The following ALOXE3 variants were observed in gnomAD, a reference collection of about 807,000 sequenced individuals.
ALOXE3 encodes the protein arachidonate epidermal lipoxygenase 3.
In ALOXE3, 78 loss-of-function variants were observed where a neutral mutation model predicts 87.5. The ratio of observed to expected loss-of-function variants is 0.89; its 90% CI spans 0.74 to 1.08. The LOEUF (loss-of-function observed/expected upper bound fraction) is 1.08, where lower values mean the gene tolerates loss of function less well. Among genes scored for constraint, ALOXE3 ranks in the 50% least tolerant of loss-of-function variants. The probability of loss-of-function intolerance (pLI) is 0.00; values close to 1 mark genes in which losing one functional copy is unlikely to be tolerated. For missense variants in ALOXE3, 946 were observed against 912.4 expected (o/e 1.04, Z -0.47); for synonymous variants, 363 against 370.8 (o/e 0.98, Z 0.24).
chr17:8,103,564 T>C, intron 14 of ALOXE3, 71 bp from the exon 15 acceptor site: 2 of 1,519,832 alleles, frequency 1.3e-6, no homozygotes, highest in Non-Finnish European at 9.1e-7. Flanking sequence ...TCACCATCCC[T>C]GATTCCACCT....
intron 13 of ALOXE3, among the ~76,000 whole-genome samples, chr17:8,106,014 G>A (rs1400057098): frequency 1.6e-4 from 24 of 151,644 alleles, no homozygotes; most frequent in African/African-American, 1.2e-4. Context: ...AGGCTGCAGA[G>A]GCATGCAGGG....
intron 14 of ALOXE3, 21 bp downstream of exon 14, chr17:8,104,094 G>T: frequency 6.2e-7 from 1 of 1,607,422 alleles, no homozygotes; most frequent in Non-Finnish European, 8.5e-7. Flanking sequence ...ATGTCCCCAG[G>T]CCTGCCCTTT....
At chr17:8,115,780 A>G (rs2151845976) in intron 3 of ALOXE3, 92 bp from the exon 4 acceptor site, 2 of 1,245,658 alleles carry the variant, frequency 1.6e-6, no homozygotes, top group East Asian at 2.3e-5. Context: ...CTTGAACCCA[A>G]TCCGACAGCC....
At chr17:8,097,776 CT>C (rs1978641858) in intron 15 of ALOXE3, among the ~76,000 whole-genome samples, 1 of 142,678 alleles carries the variant, frequency 7.0e-6, no homozygotes, top group African/African-American at 2.6e-5. Context: ...GAGACAGAGT[CT>C]CGCACTGTCG....
chr17:8,113,607 C>T (rs571087137), intron 6 of ALOXE3, among the ~76,000 whole-genome samples: 3 of 152,118 alleles, frequency 2.0e-5, no homozygotes, highest in East Asian at 3.9e-4. Context: ...GAGCCAAGAT[C>T]GAGCCACTGC....
rs536634686 is a variant in ALOXE3 at position 8,108,651 on chromosome 17, C to T, written c.1563-62G>A. The T allele has an allele frequency of 4.4e-6, 7 of 1,590,378 alleles. No homozygotes were observed. The African/African-American group carries it at 9.4e-5, about 21-fold the overall frequency. ...ACGGGCTCAGTCCTGGCCAGGAAAC[C>T]GAGGCCCACTGCTGCTCAGGCGGCA... On this transcript the variant is annotated intron_variant, in intron 12 of 15. Coordinates refer to ENST00000448843, the MANE Select transcript of ALOXE3 (RefSeq NM_021628.3).
rs748889351 is a variant in ALOXE3 at position 8,112,098 on chromosome 17, G to A, written c.779C>T (p.Thr260Met). The part of the protein sequence containing the change: ...QNIFWCHKTF[T>M]TKYVTEHWCE... ...TCCTGCCTGGCTCTGCTCACTTGTCGTGAAGGTCTTATGGCACCAGAAGAT... is the reference window on the plus strand; with the variant it reads ...TCCTGCCTGGCTCTGCTCACTTGTCATGAAGGTCTTATGGCACCAGAAGAT... The change falls in exon 7 of 16, where the codon ACG (threonine) becomes ATG (methionine). Residue 260 changes from threonine to methionine, a missense_variant. Coordinates refer to ENST00000448843, the MANE Select transcript of ALOXE3 (RefSeq NM_021628.3). 61 of 1,613,838 alleles carry A rather than the reference G, an allele frequency of 3.8e-5. No homozygotes were observed. Among genetic ancestry groups the A allele is most frequent in the African/African-American group, 5.3e-5 (4 of 74,908 alleles).
In ALOXE3 at chr17:8,103,433, T is replaced by C. The variant is rs1648878990; in HGVS notation, c.1846A>G (p.Thr616Ala). The C allele has an allele frequency of 6.2e-7, 1 of 1,614,096 alleles. No homozygotes were observed. The highest frequency in any genetic ancestry group is 8.5e-7 in the Non-Finnish European group (1 of 1,179,998). ...GTCTTCAGGGTGGTGGTCCCCTTGG[T>C]CTGGGGTGGGGGCTGCCTCATGGAT... ...PSSMRQPPPQ[T>A]KGTTTLKTYL... is the part of the protein sequence containing the mutation. The change falls in exon 15 of 16, where the codon ACC becomes GCC. Residue 616 changes from threonine (T) to alanine (A), a missense_variant. Transcript: ENST00000448843.
At chr17:8,107,841 G>GGTTGGTGGCTGGAGGGGCC (rs1567996056) in intron 13 of ALOXE3, among the ~76,000 whole-genome samples, 27 of 2,530 alleles carry the variant, frequency 0.011, no homozygotes, top group South Asian at 0.022. Flanking sequence ...AAGAAAGAAA[G>GGTTGGTGGCTGGAGGGGCC]AAAGAAAGAA....
In ALOXE3 at chr17:8,096,302, C is replaced by G; in HGVS notation, c.*325G>C. 1 of 271,852 alleles carries G rather than the reference C, an allele frequency of 3.7e-6. No homozygotes were observed. The highest frequency in any genetic ancestry group is 8.2e-5 in the East Asian group (1 of 12,264). 16.8% of individuals were successfully genotyped at this position (271,852 alleles called of 1,614,324 possible). A position where few individuals can be genotyped will look rare whatever the true frequency, so the allele number is the denominator to read the frequency against. On this transcript the variant is annotated 3_prime_UTR_variant, in exon 16 of 16. Transcript: ENST00000448843. ...GGATGAGGGAGAAAAGCTCAGAAAC[C>G]CAAGCTGGGCATTCCAAGAGGCTGG... is the stretch of plus-strand genomic sequence containing the variant.
chr17:8,106,635 G>A (rs999115287), intron 13 of ALOXE3, among the ~76,000 whole-genome samples: 8 of 152,262 alleles, frequency 5.3e-5, no homozygotes, highest in African/African-American at 7.2e-5. Context: ...GAACCTGACC[G>A]AAATGGTGAA....
intron 13 of ALOXE3, among the ~76,000 whole-genome samples, chr17:8,105,099 G>A (rs561099456): frequency 1.7e-4 from 26 of 152,222 alleles, no homozygotes; most frequent in African/African-American, 3.1e-4. Context: ...GTCAGATTAC[G>A]TCACCCCTCG....
At position 8,103,482 on chromosome 17, in the gene ALOXE3, C is replaced by T. The variant is rs1173662850; in HGVS notation, c.1797G>A (p.Gly599=). 1 of 1,613,998 alleles carries T rather than the reference C, an allele frequency of 6.2e-7. No homozygotes were observed. The highest frequency in any genetic ancestry group is 8.5e-7 in the Non-Finnish European group (1 of 1,179,998). The change falls in exon 15 of 16, where the codon GGG becomes GGA. Residue 599 remains glycine, a synonymous_variant. Transcript: ENST00000448843. ...AAVNSGQHDF[G]AWMPNAPSSM... ...ATGATGGAGCATTGGGCATCCAGGCCCCAAAGTCATGCTGTGGAGACCCCC... is the reference window on the plus strand; with the variant it reads ...ATGATGGAGCATTGGGCATCCAGGCTCCAAAGTCATGCTGTGGAGACCCCC...
At chr17:8,103,525 T>G in intron 14 of ALOXE3, 32 bp from the exon 15 acceptor site, 1 of 1,612,198 alleles carries the variant, frequency 6.2e-7, no homozygotes, top group Non-Finnish European at 8.5e-7. Flanking sequence ...TTGGGTCAGT[T>G]GGCCAGAAGG....
chr17:8,097,854 T>C (rs1011137813), intron 15 of ALOXE3, among the ~76,000 whole-genome samples: 1 of 151,556 alleles, frequency 6.6e-6, no homozygotes, highest in Non-Finnish European at 1.5e-5. Flanking sequence ...TTCACGCTAT[T>C]CTCCTGCCTC....
At chr17:8,106,492 C>A (rs1979320735) in intron 13 of ALOXE3, among the ~76,000 whole-genome samples, 1 of 151,882 alleles carries the variant, frequency 6.6e-6, no homozygotes, top group Non-Finnish European at 1.5e-5. Flanking sequence ...CCAGCCTAAG[C>A]AACAGAGCAA....
Position 8,116,828 on chromosome 17 carries a change from G to C in ALOXE3, c.300C>G (p.Pro100=), listed in dbSNP as rs370557800. 1.1e-5 allele frequency: 18 copies of C among 1,614,102 alleles called. No individual in the cohort carries two copies. Among genetic ancestry groups the C allele is most frequent in the African/African-American group, 2.7e-5 (2 of 74,936 alleles). The change falls in exon 3 of 16, where the codon CCC becomes CCG. Residue 100 remains proline, a synonymous_variant. Coordinates refer to ENST00000448843, the MANE Select transcript of ALOXE3 (RefSeq NM_021628.3). ...TEPDGSVSHF[P]CYQWIEGYCT... is the part of the protein sequence containing the mutation. ...AGTAGCCTTCAATCCACTGATAGCAGGGGAAGTGGGATACACTACCATCCG... is the reference window on the plus strand; with the variant it reads ...AGTAGCCTTCAATCCACTGATAGCACGGGAAGTGGGATACACTACCATCCG...
chr17:8,101,079 G>A (rs1469128163), intron 15 of ALOXE3, among the ~76,000 whole-genome samples: 1 of 150,114 alleles, frequency 6.7e-6, no homozygotes, highest in African/African-American at 2.5e-5. Context: ...CCAGGCTGGA[G>A]TTCAGTGGTA....
At chr17:8,098,039 G>A (rs1466183576) in intron 15 of ALOXE3, among the ~76,000 whole-genome samples, 1 of 151,522 alleles carries the variant, frequency 6.6e-6, no homozygotes, top group Non-Finnish European at 1.5e-5. Flanking sequence ...GAGCCACCAC[G>A]CCCAGCCAAT....
Sources: gnomAD v4.1 joint callset for allele counts (sites outside exome capture counted in the v4.1 genomes callset) on GRCh38, gnomAD v4.1.1 for gene constraint, MANE v1.5 for transcripts, NCBI Gene and HGNC (gene_info 2026-07-23, HGNC 2026-07-21) for gene names.